The following NKAIN3 variants were observed in gnomAD, a reference collection of about 807,000 sequenced individuals.
NKAIN3 encodes the protein sodium/potassium-transporting ATPase subunit beta-1-interacting protein 3.
NKAIN3 carries 25 observed loss-of-function variants against 30.2 expected under a neutral mutation model. That is an observed-to-expected ratio of 0.83 (90% CI 0.60 to 1.16). The LOEUF (loss-of-function observed/expected upper bound fraction) is 1.16, where lower values mean the gene tolerates loss of function less well. Among genes scored for constraint, NKAIN3 ranks in the 50% most tolerant of loss-of-function variants. The probability of loss-of-function intolerance (pLI) is 0.00; values close to 1 mark genes in which losing one functional copy is unlikely to be tolerated. For missense variants in NKAIN3, 225 were observed against 254.1 expected (o/e 0.89, Z 0.78); for synonymous variants, 91 against 89.6 (o/e 1.02, Z -0.09).
chr8:62,628,337 T>G (rs994238841), intron 3 of NKAIN3, among the ~76,000 whole-genome samples: 3 of 152,190 alleles, frequency 2.0e-5, no homozygotes, highest in Non-Finnish European at 4.4e-5. Context: ...GCATTATTGA[T>G]GTACTAAAGT....
At chr8:62,281,718 A>T (rs1585629539) in intron 1 of NKAIN3, among the ~76,000 whole-genome samples, 1 of 151,756 alleles carries the variant, frequency 6.6e-6, no homozygotes, top group East Asian at 1.9e-4. Context: ...GTTCTAGTTT[A>T]TGGTGGTTGT....
In NKAIN3 at chr8:62,940,283, C is replaced by A. The variant is rs571367729; in HGVS notation, c.533-13619C>A. Reference sequence around the variant, plus strand: ...ATTTGTAAAATAATAACTACTAGACCTAAGAAATTAGATAGGCAGCAACAC... The same window carrying A: ...ATTTGTAAAATAATAACTACTAGACATAAGAAATTAGATAGGCAGCAACAC... On this transcript the variant is annotated intron_variant, in intron 5 of 6. Transcript: ENST00000623646. Among the ~76,000 whole-genome samples the A allele has an allele frequency of 2.8e-4, 42 of 152,038 alleles. No homozygotes were observed. The South Asian group carries it at 8.7e-3, about 32-fold the overall frequency.
chr8:62,791,536 C>T (rs1171560922), intron 4 of NKAIN3, among the ~76,000 whole-genome samples: 3 of 152,062 alleles, frequency 2.0e-5, no homozygotes, highest in Non-Finnish European at 2.9e-5. Context: ...TTTGTTTTGA[C>T]TTTGATCCTC....
At chr8:62,770,001 G>T (rs1816964784) in intron 4 of NKAIN3, among the ~76,000 whole-genome samples, 1 of 152,190 alleles carries the variant, frequency 6.6e-6, no homozygotes, top group Non-Finnish European at 1.5e-5. Flanking sequence ...AGTGTGAGTA[G>T]CATCTGGGAT....
chr8:62,832,528 A>G lies in NKAIN3; in HGVS notation c.471+85399A>G, dbSNP rs530748233. ...ACCCAACTCACATGTAACAACACTC[A>G]TAGGCTCAAAGTAAAAGGTTGGAGT... is the stretch of plus-strand genomic sequence containing the variant. On this transcript the variant is annotated intron_variant, in intron 4 of 6. Transcript: ENST00000623646. 3.9e-5 allele frequency among the ~76,000 whole-genome samples: 6 copies of G among 152,194 alleles called. No individual in the cohort carries two copies. The East Asian group carries it at 1.2e-3, about 29-fold the overall frequency.
chr8:62,307,835 T>C (rs988716342), intron 1 of NKAIN3, among the ~76,000 whole-genome samples: 1 of 150,494 alleles, frequency 6.6e-6, no homozygotes, highest in Non-Finnish European at 1.5e-5. Context: ...GTAAAGTGAG[T>C]GGTATCAGGT....
At chr8:62,604,950 C>T (rs1811078715) in intron 3 of NKAIN3, among the ~76,000 whole-genome samples, 2 of 152,162 alleles carry the variant, frequency 1.3e-5, no homozygotes, top group African/African-American at 2.4e-5. Flanking sequence ...TAGGAAAATC[C>T]TGCTCTCGTC....
chr8:62,676,468 C>T (rs1334088884), intron 3 of NKAIN3, among the ~76,000 whole-genome samples: 2 of 152,178 alleles, frequency 1.3e-5, no homozygotes, highest in Non-Finnish European at 2.9e-5. Context: ...ACTCGGCAGG[C>T]TGAGGCAGTA....
intron 1 of NKAIN3, among the ~76,000 whole-genome samples, chr8:62,478,337 A>C (rs1465963279): frequency 6.6e-6 from 1 of 152,226 alleles, no homozygotes; most frequent in Admixed American, 6.5e-5. Context: ...TTATGCCACT[A>C]TACAAAGCCA....
Position 62,498,457 on chromosome 8 carries a change from T to C in NKAIN3, c.55-81082T>C, listed in dbSNP as rs574374313. ...ACCATATTGCTTCACCTTAGTTGTATTACCCTGTATAACTGCCTCCTCAGT... is the reference window on the plus strand; with the variant it reads ...ACCATATTGCTTCACCTTAGTTGTACTACCCTGTATAACTGCCTCCTCAGT... On this transcript the variant is annotated intron_variant, in intron 1 of 6. Transcript: ENST00000623646. Among the ~76,000 whole-genome samples the C allele has an allele frequency of 2.0e-5, 3 of 152,148 alleles. No individual in the cohort carries two copies. The South Asian group carries it at 6.2e-4, about 32-fold the overall frequency.
Position 62,919,302 on chromosome 8 carries a change from T to A in NKAIN3, c.532+789T>A, listed in dbSNP as rs565936454. On this transcript the variant is annotated intron_variant, in intron 5 of 6. Coordinates refer to ENST00000623646, the MANE Select transcript of NKAIN3 (RefSeq NM_001304533.3). Reference sequence around the variant, plus strand: ...CTCTGTCGCCCAGGCTGGAGTGCAGTGGCGTGATCTCAGCTCACTGCAAGC... The same window carrying A: ...CTCTGTCGCCCAGGCTGGAGTGCAGAGGCGTGATCTCAGCTCACTGCAAGC... Among the ~76,000 whole-genome samples, 147 of 131,118 alleles carry A rather than the reference T, an allele frequency of 1.1e-3. 1 individual carries two copies. Among genetic ancestry groups the A allele is most frequent in the African/African-American group, 3.8e-3 (135 of 35,352 alleles). 86.0% of individuals were successfully genotyped at this position (131,118 alleles called of 152,430 possible). A position where few individuals can be genotyped will look rare whatever the true frequency, so the allele number is the denominator to read the frequency against.
intron 3 of NKAIN3, among the ~76,000 whole-genome samples, chr8:62,630,113 T>C (rs1812141828): frequency 6.6e-6 from 1 of 152,136 alleles, no homozygotes; most frequent in African/African-American, 2.4e-5. Flanking sequence ...AATCTCTTAC[T>C]GTACCTAATT....
chr8:62,413,770 A>G (rs1804341125), intron 1 of NKAIN3, among the ~76,000 whole-genome samples: 1 of 152,180 alleles, frequency 6.6e-6, no homozygotes, highest in South Asian at 2.1e-4. Flanking sequence ...ATGTCTTTAT[A>G]TTACTTTAGC....
chr8:62,926,258 G>T (rs1822439874), intron 5 of NKAIN3, among the ~76,000 whole-genome samples: 1 of 152,198 alleles, frequency 6.6e-6, no homozygotes, highest in African/African-American at 2.4e-5. Context: ...CCCAGCAGAA[G>T]AGCAGTTGAC....
At chr8:62,844,622 G>A (rs932893543) in intron 4 of NKAIN3, among the ~76,000 whole-genome samples, 1 of 152,116 alleles carries the variant, frequency 6.6e-6, no homozygotes, top group Non-Finnish European at 1.5e-5. Flanking sequence ...ATTGATAGTT[G>A]AGCCTTAATG....
chr8:62,726,767 A>G (rs1485257682), intron 3 of NKAIN3, among the ~76,000 whole-genome samples: 1 of 152,090 alleles, frequency 6.6e-6, no homozygotes, highest in African/African-American at 2.4e-5. Flanking sequence ...GAATTCTACT[A>G]GACATTTAAA....
intron 1 of NKAIN3, among the ~76,000 whole-genome samples, chr8:62,344,686 T>C (rs534670195): frequency 2.0e-5 from 3 of 152,228 alleles, no homozygotes; most frequent in South Asian, 2.1e-4. Context: ...TTCTAATTGC[T>C]ATGTTTTTTA....
chr8:62,597,283 G>A (rs984823956), intron 3 of NKAIN3, among the ~76,000 whole-genome samples: 13 of 152,064 alleles, frequency 8.5e-5, no homozygotes, highest in African/African-American at 1.9e-4. Flanking sequence ...CTGGAAAGCC[G>A]CTTCTGCTTC....
intron 3 of NKAIN3, among the ~76,000 whole-genome samples, chr8:62,674,102 G>C (rs1416733640): frequency 2.0e-5 from 3 of 152,192 alleles, no homozygotes; most frequent in Non-Finnish European, 4.4e-5. Context: ...AACTACTGGG[G>C]TAGAGAATAA....
Sources: gnomAD v4.1 joint callset for allele counts (sites outside exome capture counted in the v4.1 genomes callset) on GRCh38, gnomAD v4.1.1 for gene constraint, MANE v1.5 for transcripts, NCBI Gene and HGNC (gene_info 2026-07-23, HGNC 2026-07-21) for gene names.